RNF213: variants seen among roughly 807,000 people sequenced by gnomAD.
RNF213 encodes the protein E3 ubiquitin-protein ligase RNF213.
In RNF213, 341 loss-of-function variants were observed where a neutral mutation model predicts 514.4. The ratio of observed to expected loss-of-function variants is 0.66; its 90% CI spans 0.61 to 0.73. RNF213 has a LOEUF of 0.73. RNF213 is among the 30% of genes least tolerant of loss of function. The probability of loss-of-function intolerance (pLI) is 0.00; values close to 1 mark genes in which losing one functional copy is unlikely to be tolerated. For synonymous variants in RNF213, 2,655 were observed against 2,658.2 expected, an observed-to-expected ratio of 1.00 and a Z score of 0.04; for missense variants, 5,767 against 6,615.6, an observed-to-expected ratio of 0.87 and a Z score of 4.45.
chr17:80,296,491 A>T (rs1304352110), intron 10 of RNF213, among the ~76,000 whole-genome samples: 1 of 152,166 alleles, frequency 6.6e-6, no homozygotes, highest in African/African-American at 2.4e-5. Flanking sequence ...AGTTCAGGAA[A>T]CACAGTGTGA....
chr17:80,345,581 G>C lies in RNF213; in HGVS notation c.7246G>C (p.Val2416Leu), dbSNP rs772121856. 1.2e-6 allele frequency: 2 copies of C among 1,613,792 alleles called. No homozygotes were observed. The highest frequency in any genetic ancestry group is 2.7e-5 in the African/African-American group (2 of 75,020). The change falls in exon 29 of 68, where the codon GTT (valine) becomes CTT (leucine). Residue 2416 changes from valine to leucine, a missense_variant. Val to Leu is a conservative substitution (Grantham distance 32). Coordinates refer to ENST00000582970, the MANE Select transcript of RNF213 (RefSeq NM_001256071.3). This position sits in a 1 kb window ranked among gnomAD's most constrained non-coding sequence, Gnocchi z 6.0. Reference protein sequence around the residue: ...IEMRFRCGIPVIIMGETGCGK... With the variant: ...IEMRFRCGIPLIIMGETGCGK... ...GATGCGGTTCCGGTGTGGGATCCCG[G>C]TTATCATCATGGGAGAAACTGGCTG...
Position 80,337,965 on chromosome 17 carries a change from C to T in RNF213, c.4801C>T (p.Arg1601Cys), listed in dbSNP as rs1005545596. Residue 1601 changes from arginine (R) to cysteine (C), a missense_variant, in exon 25 of 68, where the codon CGT becomes TGT. By Grantham distance (180) the Arg-to-Cys change is radical (BLOSUM62 -3). This residue lies in a region of RNF213 where 1,377 missense variants were observed against 1,635.2 expected (regional missense o/e 0.84). Transcript: ENST00000582970. Reference sequence around the variant, plus strand: ...GATGCTGATGTCTGGCAAGAAGGATCGTAACAACACGGAAGTGGAGAGGTT... The same window carrying T: ...GATGCTGATGTCTGGCAAGAAGGATTGTAACAACACGGAAGTGGAGAGGTT... Reference protein sequence around the residue: ...KLMLMSGKKDRNNTEVERFSE... With the variant: ...KLMLMSGKKDCNNTEVERFSE... The T allele has an allele frequency of 1.6e-5, 24 of 1,537,112 alleles. No homozygotes were observed. Among genetic ancestry groups the T allele is most frequent in the Non-Finnish European group, 2.0e-5 (23 of 1,146,916 alleles).
In RNF213 at chr17:80,307,196, G is replaced by A. The variant is rs2045392278; in HGVS notation, c.2496G>A (p.Arg832=). The A allele has an allele frequency of 6.2e-7, 1 of 1,613,560 alleles. No homozygotes were observed. Among genetic ancestry groups the A allele is most frequent in the South Asian group, 1.1e-5 (1 of 91,060 alleles). Residue 832 remains arginine, a synonymous_variant, in exon 13 of 68, where the codon CGG becomes CGA. Coordinates refer to ENST00000582970, the MANE Select transcript of RNF213 (RefSeq NM_001256071.3). ...EMLLRLLDTY[R]DKIPEEALSP... is the part of the protein sequence containing the mutation. The stretch of plus-strand genomic sequence containing the variant: ...TGTTGCGACTCCTGGACACTTACCG[G>A]GACAAGTAAGTGGAAAGCACGATGC...
At chr17:80,390,234 ATGT>A (rs1205781406) in intron 67 of RNF213, 38 bp downstream of exon 67, 5 of 1,593,062 alleles carry the variant, frequency 3.1e-6, no homozygotes, top group Non-Finnish European at 4.3e-6. Context: ...GGCAGACACA[ATGT>A]TGTGCTGTCT....
In RNF213 at chr17:80,353,733, G is replaced by A. The variant is rs894418806; in HGVS notation, c.10578+67G>A. On this transcript the variant is annotated intron_variant, in intron 34 of 67. Coordinates refer to ENST00000582970, the MANE Select transcript of RNF213 (RefSeq NM_001256071.3). The surrounding 1 kb of genome is among the most constrained non-coding windows in gnomAD (Gnocchi z 5.0). Reference sequence around the variant, plus strand: ...ATGCTTCTGAGCTGCATCTTTAAACGCTTTTGCATTGGGAGCTAGAGGAGT... The same window carrying A: ...ATGCTTCTGAGCTGCATCTTTAAACACTTTTGCATTGGGAGCTAGAGGAGT... The A allele has an allele frequency of 1.4e-5, 23 of 1,604,682 alleles. No homozygotes were observed. Among genetic ancestry groups the A allele is most frequent in the South Asian group, 3.3e-5 (3 of 90,650 alleles).
rs1228232278 is a variant in RNF213 at position 80,344,675 on chromosome 17, C to T, written c.6343-3C>T. 6 of 1,614,040 alleles carry T rather than the reference C, an allele frequency of 3.7e-6. No individual in the cohort carries two copies. The highest frequency in any genetic ancestry group is 3.4e-6 in the Non-Finnish European group (4 of 1,179,974). ...CCATTTCATTAATGTCTCTCCTTTCCAGCGTACACGTGTACCCCAGTTCAG... is the reference window on the plus strand; with the variant it reads ...CCATTTCATTAATGTCTCTCCTTTCTAGCGTACACGTGTACCCCAGTTCAG... On this transcript the variant is annotated splice_polypyrimidine_tract_variant and splice_region_variant and intron_variant, in intron 28 of 67. Transcript: ENST00000582970.
chr17:80,348,105 T>A lies in RNF213; in HGVS notation c.9770T>A (p.Ile3257Asn). 6.2e-7 allele frequency: 1 copy of A among 1,614,136 alleles called. No individual in the cohort carries two copies. The highest frequency in any genetic ancestry group is 8.5e-7 in the Non-Finnish European group (1 of 1,180,048). ...HQKVSEEAKS[I>N]LLNCATPDAV... ...AAGGTGTCTGAGGAGGCCAAATCGA[T>A]CCTGCTGAACTGCGCTACGCCCGAT... The change falls in exon 29 of 68, where the codon ATC becomes AAC. Residue 3257 changes from isoleucine to asparagine, a missense_variant. By Grantham distance (149) the Ile-to-Asn change is moderately radical (BLOSUM62 -3). This residue lies in a region of RNF213 where 919 missense variants were observed against 1,121.0 expected (regional missense o/e 0.82). Transcript: ENST00000582970.
At chr17:80,261,621 A>G (rs909696369) in intron 1 of RNF213, among the ~76,000 whole-genome samples, 26 of 152,228 alleles carry the variant, frequency 1.7e-4, no homozygotes, top group Admixed American at 5.9e-4. Flanking sequence ...TGTGCTTGGG[A>G]AAAAATGTCA....
chr17:80,353,474 T>C lies in RNF213; in HGVS notation c.10424-38T>C. 1 of 1,579,480 alleles carries C rather than the reference T, an allele frequency of 6.3e-7. No homozygotes were observed. ...ACCGCTGCCAGTCCCTGTGCCACCT[T>C]CTGAGTGGTAACGCAATCACGTTTG... On this transcript the variant is annotated intron_variant, in intron 33 of 67. Transcript: ENST00000582970. The surrounding 1 kb of genome is among the most constrained non-coding windows in gnomAD (Gnocchi z 5.0).
In RNF213 at chr17:80,354,596, C is replaced by T; in HGVS notation, c.10862+20C>T. The stretch of plus-strand genomic sequence containing the variant: ...ATTCAGGTACTGTGACTAAAGGAAG[C>T]AAGGAGTGGCTCCAATCTGGTGGCA... On this transcript the variant is annotated intron_variant, in intron 36 of 67. Coordinates refer to ENST00000582970, the MANE Select transcript of RNF213 (RefSeq NM_001256071.3). 6.2e-7 allele frequency: 1 copy of T among 1,613,922 alleles called. No homozygotes were observed. Among genetic ancestry groups the T allele is most frequent in the Non-Finnish European group, 8.5e-7 (1 of 1,179,986 alleles).
chr17:80,292,900 G>T (rs1053106102), intron 8 of RNF213, among the ~76,000 whole-genome samples: 2 of 152,076 alleles, frequency 1.3e-5, no homozygotes, highest in Non-Finnish European at 2.9e-5. Flanking sequence ...CTGGTGTCCG[G>T]TGTCTTGGAA....
At chr17:80,364,094 G>A (rs1303230251) in intron 41 of RNF213, among the ~76,000 whole-genome samples, 4 of 152,162 alleles carry the variant, frequency 2.6e-5, no homozygotes, top group African/African-American at 4.8e-5. Context: ...CACCCCGGGC[G>A]GGCAGGTGCA....
intron 50 of RNF213, chr17:80,375,089 CCT>C (rs1434221844): frequency 5.7e-6 from 1 of 175,372 alleles, no homozygotes; most frequent in African/African-American, 2.4e-5. Flanking sequence ...TTTTTGAGTC[CCT>C]GTGCCAGGAA....
intron 8 of RNF213, among the ~76,000 whole-genome samples, chr17:80,292,993 CT>C (rs777641020): frequency 6.6e-6 from 1 of 152,186 alleles, no homozygotes; most frequent in Non-Finnish European, 1.5e-5. Context: ...GTCACTCCAC[CT>C]TGGACAAAGA....
intron 21 of RNF213, among the ~76,000 whole-genome samples, chr17:80,333,454 G>A (rs1222626727): frequency 6.6e-6 from 1 of 151,530 alleles, no homozygotes; most frequent in East Asian, 2.0e-4. Flanking sequence ...AGCACTTTGG[G>A]AGGCTGAGGT....
intron 26 of RNF213, among the ~76,000 whole-genome samples, chr17:80,342,754 A>G (rs4890011): frequency 6.8e-6 from 1 of 146,094 alleles, no homozygotes; most frequent in Non-Finnish European, 1.5e-5. Flanking sequence ...TTGTATGTAT[A>G]TATATATTAT....
chr17:80,287,628 C>T (rs2044519680), intron 3 of RNF213, among the ~76,000 whole-genome samples, 187 bp from the exon 4 acceptor site: 1 of 152,208 alleles, frequency 6.6e-6, no homozygotes, highest in Admixed American at 6.5e-5. Flanking sequence ...TGCCCCGACC[C>T]TGCCCACCCC....
intron 18 of RNF213, 30 bp downstream of exon 18, chr17:80,325,228 G>T: frequency 6.6e-7 from 1 of 1,510,918 alleles, no homozygotes; most frequent in Non-Finnish European, 8.9e-7. Context: ...GGGAACATCA[G>T]CTCAGGCAAG....
At position 80,385,522 on chromosome 17, in the gene RNF213, G is replaced by C; in HGVS notation, c.14456-16G>C. 1 of 1,612,862 alleles carries C rather than the reference G, an allele frequency of 6.2e-7. No homozygotes were observed. The highest frequency in any genetic ancestry group is 8.5e-7 in the Non-Finnish European group (1 of 1,178,872). The stretch of plus-strand genomic sequence containing the variant: ...GTTGCTATCATACGGTTCTTACCAA[G>C]TATTCTGTTCAACAGATGGGTTGAG... On this transcript the variant is annotated splice_polypyrimidine_tract_variant and intron_variant, in intron 60 of 67. Transcript: ENST00000582970.
Sources: allele counts gnomAD v4.1 joint callset (sites outside exome capture counted in the v4.1 genomes callset), GRCh38; gene constraint gnomAD v4.1.1; regional missense constraint gnomAD v4.1.1; non-coding constraint Gnocchi (gnomAD v3.1); transcripts MANE v1.5; gene names NCBI Gene and HGNC (gene_info 2026-07-23, HGNC 2026-07-21).